Variants in RPS6KA2 observed in about 807,000 individuals in gnomAD.
RPS6KA2 encodes the protein ribosomal protein S6 kinase alpha-2.
A neutral mutation model predicts 91.8 loss-of-function variants in RPS6KA2; 42 were observed. The observed-to-expected ratio is 0.46, with a 90% CI of 0.36 to 0.59. The LOEUF (loss-of-function observed/expected upper bound fraction) is 0.59. Among genes scored for constraint, RPS6KA2 ranks in the 20% least tolerant of loss-of-function variants. RPS6KA2 has a pLI of 0.00. For missense variants in RPS6KA2, 798 were observed against 978.5 expected (o/e 0.82, Z 2.46); for synonymous variants, 414 against 393.6 (o/e 1.05, Z -0.61).
At chr6:166,693,153 T>A (rs1789257831) in intron 2 of RPS6KA2, among the ~76,000 whole-genome samples, 1 of 152,156 alleles carries the variant, frequency 6.6e-6, no homozygotes, top group South Asian at 2.1e-4. Context: ...ACCTGTTCCC[T>A]TGCAAGTCTG....
In RPS6KA2 at chr6:166,423,436, A is replaced by G. The variant is rs73269240; in HGVS notation, c.1582-19T>C. On this transcript the variant is annotated intron_variant, in intron 16 of 20. Coordinates refer to ENST00000265678, the MANE Select transcript of RPS6KA2 (RefSeq NM_021135.6). This position sits in a 1 kb window ranked among gnomAD's most constrained non-coding sequence, Gnocchi z 4.8. Reference sequence around the variant, plus strand: ...GAACAACCTGCAAGACAGAAGGCACAGTGCCTACTTGGGGGCTGAGGACTG... The same window carrying G: ...GAACAACCTGCAAGACAGAAGGCACGGTGCCTACTTGGGGGCTGAGGACTG... The G allele has an allele frequency of 2.1e-3, 3,376 of 1,597,334 alleles. 51 individuals are homozygous for G. The African/African-American group carries it at 0.036, about 17-fold the overall frequency.
In RPS6KA2 at chr6:166,813,171, G is replaced by C. The variant is rs12528139; in HGVS notation, c.123+45029C>G. ...TTTATAGTACCTCCATATCACACAT[G>C]GGGGAGGTAGGTCCACAGGCCTGCA... On this transcript the variant is annotated intron_variant, in intron 2 of 21. Transcript: ENST00000503859. Among the ~76,000 whole-genome samples the C allele has an allele frequency of 3.3e-3, 496 of 152,096 alleles. 13 individuals are homozygous for C. The highest frequency in any genetic ancestry group is 0.027 in the Admixed American group (406 of 15,272).
rs9366032 is a variant in RPS6KA2 at position 166,596,441 on chromosome 6, A to G, written c.99+30480T>C. ...AAGCTAGAATAAAGCAGGCAGGAGAAGATGGAAGAGCAGACTTGCTGAGTC... is the reference window on the plus strand; with the variant it reads ...AAGCTAGAATAAAGCAGGCAGGAGAGGATGGAAGAGCAGACTTGCTGAGTC... On this transcript the variant is annotated intron_variant, in intron 1 of 20. Transcript: ENST00000265678. Among the ~76,000 whole-genome samples the G allele has an allele frequency of 4.0e-3, 603 of 152,338 alleles. 27 individuals carry two copies. In the East Asian group the frequency reaches 0.077, roughly 20 times the overall value.
In RPS6KA2 at chr6:166,757,394, T is replaced by C. The variant is rs117578616; in HGVS notation, c.123+100806A>G. ...CGCTCCGAGACCTGTGTTCATGATCTGTGAGATTCCACTCCGCCCAGAAAA... is the reference window on the plus strand; with the variant it reads ...CGCTCCGAGACCTGTGTTCATGATCCGTGAGATTCCACTCCGCCCAGAAAA... On this transcript the variant is annotated intron_variant, in intron 2 of 21. Transcript: ENST00000503859. 1.8e-3 allele frequency: 717 copies of C among 407,446 alleles called. 13 individuals are homozygous for C. The highest frequency in any genetic ancestry group is 0.011 in the South Asian group (611 of 56,244). 25.2% of individuals were successfully genotyped at this position (407,446 alleles called of 1,614,324 possible). A position where few individuals can be genotyped will look rare whatever the true frequency, so the allele number is the denominator to read the frequency against.
chr6:166,649,597 G>A (rs1285874972), intron 2 of RPS6KA2, among the ~76,000 whole-genome samples: 4 of 152,176 alleles, frequency 2.6e-5, no homozygotes, highest in African/African-American at 4.8e-5. Flanking sequence ...GGGTAATGAA[G>A]AATTATTACT....
At chr6:166,861,147 T>C (rs1457159416) in intron 1 of RPS6KA2, among the ~76,000 whole-genome samples, 2 of 152,218 alleles carry the variant, frequency 1.3e-5, no homozygotes, top group Non-Finnish European at 2.9e-5. Context: ...AAACAGAATC[T>C]CTCATTCAGT....
intron 14 of RPS6KA2, among the ~76,000 whole-genome samples, chr6:166,439,561 C>T (rs1562494573): frequency 6.6e-6 from 1 of 152,194 alleles, no homozygotes; most frequent in Non-Finnish European, 1.5e-5. Flanking sequence ...AAAAGCAAAG[C>T]CTTTGTTGCC....
chr6:166,461,950 T>A (rs1424835690), intron 11 of RPS6KA2, among the ~76,000 whole-genome samples: 1 of 152,114 alleles, frequency 6.6e-6, no homozygotes, highest in Non-Finnish European at 1.5e-5. Context: ...CACTGGGACA[T>A]TTGGCAGTGC....
chr6:166,783,518 G>C (rs905808708), intron 2 of RPS6KA2, among the ~76,000 whole-genome samples: 1 of 151,940 alleles, frequency 6.6e-6, no homozygotes, highest in Non-Finnish European at 1.5e-5. Context: ...TCTCTAGATA[G>C]ACAGATATAG....
intron 2 of RPS6KA2, among the ~76,000 whole-genome samples, chr6:166,832,558 C>T (rs997428946): frequency 2.0e-5 from 3 of 152,098 alleles, no homozygotes; most frequent in African/African-American, 2.4e-5. Flanking sequence ...ATGGTAAGTC[C>T]GCTCATGTCA....
chr6:166,475,256 T>C (rs954872637), intron 10 of RPS6KA2, among the ~76,000 whole-genome samples: 1 of 152,018 alleles, frequency 6.6e-6, no homozygotes. Context: ...AGAACAACAG[T>C]GCGAAGAAAC....
rs1034826551 is a variant in RPS6KA2 at position 166,495,899 on chromosome 6, G to T, written c.747+2609C>A. Among the ~76,000 whole-genome samples the T allele has an allele frequency of 6.6e-6, 1 of 152,224 alleles. No homozygotes were observed. The highest frequency in any genetic ancestry group is 2.1e-4 in the South Asian group (1 of 4,834). On this transcript the variant is annotated intron_variant, in intron 8 of 20. Coordinates refer to ENST00000265678, the MANE Select transcript of RPS6KA2 (RefSeq NM_021135.6). The surrounding 1 kb of genome is among the most constrained non-coding windows in gnomAD (Gnocchi z 4.4). ...GCTGATGGTGGAAGGGGACCGGGGG[G>T]AGTTTGCTGGAGCAAGGCGAGCCCG...
intron 2 of RPS6KA2, among the ~76,000 whole-genome samples, chr6:166,789,320 C>T (rs112252155): frequency 0.049 from 7,477 of 152,294 alleles, 619 homozygotes; most frequent in African/African-American, 0.17. Flanking sequence ...GAGGGGCGCC[C>T]GCCATTGCCC....
At chr6:166,768,171 G>C (rs188629326) in intron 2 of RPS6KA2, among the ~76,000 whole-genome samples, 1 of 152,332 alleles carries the variant, frequency 6.6e-6, no homozygotes, top group East Asian at 1.9e-4. Context: ...CCCAGAGAGG[G>C]CCTCAGCGGG....
intron 2 of RPS6KA2, among the ~76,000 whole-genome samples, chr6:166,731,535 A>T (rs1221092530): frequency 6.6e-6 from 1 of 152,144 alleles, no homozygotes; most frequent in African/African-American, 2.4e-5. Flanking sequence ...GCTTGCCAAC[A>T]GCACTTCAGA....
intron 2 of RPS6KA2, among the ~76,000 whole-genome samples, chr6:166,754,060 T>A (rs1328679653): frequency 6.6e-6 from 1 of 152,172 alleles, no homozygotes; most frequent in African/African-American, 2.4e-5. Context: ...TCAGTCTCCC[T>A]GAGGCCCGAG....
rs1038610171 is a variant in RPS6KA2 at position 166,673,738 on chromosome 6, C to CT, written c.124-134955dup. ...AAATATTATTTCTTTTGTGATTTTT[C>CT]TTTTTTTAGCTCATCAGCTATTGTT... On this transcript the variant is annotated intron_variant, in intron 2 of 21. Coordinates refer to the RPS6KA2 transcript ENST00000503859. 1.2e-3 allele frequency among the ~76,000 whole-genome samples: 178 copies of CT among 151,530 alleles called. 4 individuals are homozygous for CT. The highest frequency in any genetic ancestry group is 3.5e-3 in the East Asian group (18 of 5,196).
intron 1 of RPS6KA2, among the ~76,000 whole-genome samples, chr6:166,541,625 G>A (rs1357239259): frequency 2.0e-5 from 3 of 152,160 alleles, no homozygotes; most frequent in East Asian, 1.9e-4. Context: ...CTGGCTTCAC[G>A]CCTTCCTCAG....
intron 2 of RPS6KA2, among the ~76,000 whole-genome samples, chr6:166,806,955 A>T (rs2128619406): frequency 6.6e-6 from 1 of 152,364 alleles, no homozygotes; most frequent in Non-Finnish European, 1.5e-5. Flanking sequence ...ACAATGTTAC[A>T]ATTTTATAAT....
Sources: gnomAD v4.1 joint callset for allele counts (sites outside exome capture counted in the v4.1 genomes callset) on GRCh38, gnomAD v4.1.1 for gene constraint, Gnocchi (gnomAD v3.1) non-coding constraint, MANE v1.5 for transcripts, NCBI Gene and HGNC (gene_info 2026-07-23, HGNC 2026-07-21) for gene names.